The following RBFOX1 variants were observed in gnomAD, a reference collection of about 807,000 sequenced individuals.
The protein encoded by RBFOX1 is RNA binding fox-1 homolog 1, also known as RNA binding protein fox-1 homolog 1.
Under a neutral mutation model 57.7 loss-of-function variants are expected in RBFOX1, and 8 were observed. The observed-to-expected ratio is 0.14, with a 90% CI of 0.08 to 0.25. The LOEUF (loss-of-function observed/expected upper bound fraction) is 0.25. RBFOX1 is among the 10% of genes least tolerant of loss of function. The pLI, the probability that RBFOX1 is intolerant of heterozygous loss-of-function variation, is 1.00. For missense variants in RBFOX1, 611 were observed against 548.5 expected, an observed-to-expected ratio of 1.11 and a Z score of -1.14; for synonymous variants, 326 against 222.4, an observed-to-expected ratio of 1.47 and a Z score of -4.15.
At chr16:5,268,001 C>T (rs1478808966) in intron 1 of RBFOX1, among the ~76,000 whole-genome samples, 1 of 152,104 alleles carries the variant, frequency 6.6e-6, no homozygotes. Flanking sequence ...ATCGCTTGAA[C>T]CCAGGAGGCG....
At chr16:6,143,571 A>G (rs1255688781) in intron 1 of RBFOX1, among the ~76,000 whole-genome samples, 4 of 152,172 alleles carry the variant, frequency 2.6e-5, no homozygotes, top group Admixed American at 6.5e-5. Flanking sequence ...GACACTTACC[A>G]TAAGCATCCA....
intron 3 of RBFOX1, among the ~76,000 whole-genome samples, chr16:6,982,864 A>T (rs1380257047): frequency 1.3e-5 from 2 of 151,894 alleles, no homozygotes; most frequent in African/African-American, 2.4e-5. Context: ...ATGGTGGCGG[A>T]TGCCTGTAAT....
In RBFOX1 at chr16:5,976,188, A is replaced by G. The variant is rs1378443706; in HGVS notation, c.351+108853A>G. Reference sequence around the variant, plus strand: ...AATAATAAAATAAAATAAAATAATTAGTATTTTCTAGCCCGCCACTTACCC... The same window carrying G: ...AATAATAAAATAAAATAAAATAATTGGTATTTTCTAGCCCGCCACTTACCC... On this transcript the variant is annotated intron_variant, in intron 4 of 19. Coordinates refer to the RBFOX1 transcript ENST00000641259. Among the ~76,000 whole-genome samples, 3 of 152,246 alleles carry G rather than the reference A, an allele frequency of 2.0e-5. 1 individual carries two copies. Among genetic ancestry groups the G allele is most frequent in the South Asian group, 4.1e-4 (2 of 4,826 alleles).
intron 3 of RBFOX1, among the ~76,000 whole-genome samples, chr16:6,917,860 G>C (rs1047978371): frequency 3.3e-5 from 5 of 152,128 alleles, no homozygotes; most frequent in Non-Finnish European, 5.9e-5. Context: ...CAGAAATCCT[G>C]GAAAAATACC....
Position 7,265,963 on chromosome 16 carries a change from TG to T in RBFOX1, c.27+213866del, listed in dbSNP as rs373694359. On this transcript the variant is annotated intron_variant, in intron 4 of 15. Transcript: ENST00000550418. ...TGAGTTATGAGATCTGGTGGGTTTTTGTTTTTTTTTTTTTTTTTTTTTTTTT... is the reference window on the plus strand; with the variant it reads ...TGAGTTATGAGATCTGGTGGGTTTTTTTTTTTTTTTTTTTTTTTTTTTTTT... Among the ~76,000 whole-genome samples the T allele has an allele frequency of 9.0e-3, 733 of 81,782 alleles. 86 individuals are homozygous for T. Among genetic ancestry groups the T allele is most frequent in the African/African-American group, 0.05 (446 of 8,882 alleles). 53.7% of individuals were successfully genotyped at this position (81,782 alleles called of 152,430 possible).
intron 4 of RBFOX1, among the ~76,000 whole-genome samples, chr16:7,214,725 T>C (rs1427448432): frequency 1.3e-5 from 2 of 152,120 alleles, no homozygotes; most frequent in East Asian, 3.9e-4. Context: ...GCGATCTTTC[T>C]TTTTGCTCTC....
chr16:6,088,712 C>A (rs1022638331), intron 1 of RBFOX1, among the ~76,000 whole-genome samples: 2 of 152,142 alleles, frequency 1.3e-5, no homozygotes, highest in African/African-American at 2.4e-5. Flanking sequence ...CATGAACCCC[C>A]TGCAATGACT....
At chr16:6,007,069 A>T (rs1303140569) in intron 4 of RBFOX1, among the ~76,000 whole-genome samples, 1 of 152,062 alleles carries the variant, frequency 6.6e-6, no homozygotes, top group Admixed American at 6.6e-5. Context: ...ATTATTTCTC[A>T]CTGGAACCAA....
intron 4 of RBFOX1, among the ~76,000 whole-genome samples, chr16:7,062,695 C>G (rs17669115): frequency 0.052 from 7,855 of 152,010 alleles, 349 homozygotes; most frequent in East Asian, 0.2. Flanking sequence ...TAGGGTAATG[C>G]TAAATATGGT....
chr16:5,501,190 T>C (rs916268481), intron 2 of RBFOX1, among the ~76,000 whole-genome samples: 9 of 151,404 alleles, frequency 5.9e-5, no homozygotes, highest in Admixed American at 2.0e-4. Context: ...TGGTGGTGGG[T>C]GCCTGTAATC....
At chr16:6,327,354 A>C (rs2082492547) in intron 2 of RBFOX1, among the ~76,000 whole-genome samples, 1 of 152,024 alleles carries the variant, frequency 6.6e-6, no homozygotes, top group Non-Finnish European at 1.5e-5. Flanking sequence ...CTAATACCAG[A>C]ATCACTAGAG....
intron 1 of RBFOX1, among the ~76,000 whole-genome samples, chr16:5,331,329 C>T (rs1442408019): frequency 6.6e-6 from 1 of 152,220 alleles, no homozygotes; most frequent in Non-Finnish European, 1.5e-5. Context: ...TGCTGTGTAA[C>T]AAATCACCTC....
chr16:7,501,029 T>C (rs926242869), intron 4 of RBFOX1, among the ~76,000 whole-genome samples: 1 of 152,204 alleles, frequency 6.6e-6, no homozygotes, highest in African/African-American at 2.4e-5. Flanking sequence ...CCTTCCACCA[T>C]GATTGTAAGT....
chr16:6,442,059 C>T (rs1344086111), intron 2 of RBFOX1, among the ~76,000 whole-genome samples: 1 of 152,158 alleles, frequency 6.6e-6, no homozygotes, highest in African/African-American at 2.4e-5. Flanking sequence ...TTCTTCCAAG[C>T]CCTTAACTCT....
chr16:6,790,402 C>T (rs1210868883), intron 3 of RBFOX1, among the ~76,000 whole-genome samples: 1 of 152,028 alleles, frequency 6.6e-6, no homozygotes. Context: ...CCTGGCTGGT[C>T]TTGAACTCCT....
chr16:6,382,332 A>G (rs758741140), intron 2 of RBFOX1, among the ~76,000 whole-genome samples: 24 of 152,196 alleles, frequency 1.6e-4, no homozygotes, highest in Non-Finnish European at 3.4e-4. Flanking sequence ...CTCATTTCAT[A>G]TTGTGGAAGA....
intron 4 of RBFOX1, among the ~76,000 whole-genome samples, chr16:7,163,691 C>G (rs938603095): frequency 6.6e-6 from 1 of 152,078 alleles, no homozygotes; most frequent in Admixed American, 6.6e-5. Context: ...CAGTCTTGCT[C>G]TGTCACCCAT....
At chr16:6,812,201 G>C (rs2088833432) in intron 3 of RBFOX1, among the ~76,000 whole-genome samples, 1 of 152,146 alleles carries the variant, frequency 6.6e-6, no homozygotes, top group Non-Finnish European at 1.5e-5. Context: ...CCTCCTGTTA[G>C]AATGAATATC....
At position 7,155,732 on chromosome 16, in the gene RBFOX1, T is replaced by TACACACAC. The variant is rs1261795700; in HGVS notation, c.27+103635_27+103636insCACACACA. ...AAAAAAATATATATATATATATATA[T>TACACACAC]ATATATACACACACACACACACACA... On this transcript the variant is annotated intron_variant, in intron 4 of 15. Coordinates refer to ENST00000550418, the MANE Select transcript of RBFOX1 (RefSeq NM_018723.4). 1.4e-3 allele frequency among the ~76,000 whole-genome samples: 123 copies of TACACACAC among 89,412 alleles called. 3 individuals are homozygous for TACACACAC. The highest frequency in any genetic ancestry group is 6.9e-3 in the African/African-American group (114 of 16,574). The allele number at this position is 89,412 out of a possible 152,430, so 58.7% of individuals were successfully genotyped here. A position where few individuals can be genotyped will look rare whatever the true frequency, so the allele number is the denominator to read the frequency against.
Sources: allele counts gnomAD v4.1 joint callset (sites outside exome capture counted in the v4.1 genomes callset), GRCh38; gene constraint gnomAD v4.1.1; transcripts MANE v1.5; gene names NCBI Gene and HGNC (gene_info 2026-07-23, HGNC 2026-07-21).